USB1: variants seen among roughly 807,000 people sequenced by gnomAD.
USB1 encodes the protein U6 snRNA biogenesis phosphodiesterase 1, also known as U6 snRNA phosphodiesterase 1.
A neutral mutation model predicts 29.9 loss-of-function variants in USB1; 21 were observed. The observed-to-expected ratio is 0.70, with a 90% CI of 0.50 to 1.01. The LOEUF is 1.01. USB1 is among the 50% of genes least tolerant of loss of function. The probability of loss-of-function intolerance (pLI) is 0.00; values close to 1 mark genes in which losing one functional copy is unlikely to be tolerated. For missense variants in USB1, 330 were observed against 347.1 expected (o/e 0.95, Z 0.39); for synonymous variants, 143 against 134.9 (o/e 1.06, Z -0.42).
chr16:58,012,528 C>G, intron 3 of USB1: 1 of 1,300,184 alleles, frequency 7.7e-7, no homozygotes, highest in Non-Finnish European at 1.0e-6. Context: ...GTCACAATGA[C>G]GAAGCCACCG....
chr16:58,005,231 C>T (rs538715215), intron 2 of USB1, among the ~76,000 whole-genome samples: 9 of 152,250 alleles, frequency 5.9e-5, no homozygotes, highest in South Asian at 2.1e-4. Flanking sequence ...CAGATAACTG[C>T]GGGCGGGCCT....
At chr16:58,018,937 C>T in intron 5 of USB1, 35 bp from the exon 6 acceptor site, 1 of 1,610,174 alleles carries the variant, frequency 6.2e-7, no homozygotes, top group Non-Finnish European at 8.5e-7. Context: ...GCCAAGGCGT[C>T]CGGGTGACTG....
At chr16:58,002,767 A>T in intron 2 of USB1, 122 bp downstream of exon 2, 1 of 1,372,064 alleles carries the variant, frequency 7.3e-7, no homozygotes, top group Non-Finnish European at 1.0e-6. Flanking sequence ...GTGGTGGGAA[A>T]GTCATTGACT....
chr16:58,017,243 C>T, intron 4 of USB1, 91 bp from the exon 5 acceptor site: 1 of 1,193,714 alleles, frequency 8.4e-7, no homozygotes, highest in Non-Finnish European at 1.3e-6. Context: ...GCCCAGGCCT[C>T]TTGGCCTTCT....
chr16:58,007,075 G>T (rs1161937448), intron 2 of USB1, among the ~76,000 whole-genome samples: 2 of 152,184 alleles, frequency 1.3e-5, no homozygotes, highest in African/African-American at 2.4e-5. Context: ...CCATTTAGTT[G>T]TGGAGCATTA....
At chr16:58,010,256 T>G in intron 3 of USB1, 144 bp downstream of exon 3, 2 of 975,460 alleles carry the variant, frequency 2.1e-6, no homozygotes, top group Non-Finnish European at 3.1e-6. Context: ...CTGCTCTACT[T>G]CTCATCCTCC....
chr16:58,012,247 C>G, intron 3 of USB1: 1 of 1,532,942 alleles, frequency 6.5e-7, no homozygotes, highest in Non-Finnish European at 8.7e-7. Context: ...TCAACCTAGT[C>G]CAGCCCTCCC....
Position 58,013,030 on chromosome 16 carries a change from G to A in USB1, c.450-1243G>A. 5.1e-6 allele frequency: 5 copies of A among 985,658 alleles called. No homozygotes were observed. Among genetic ancestry groups the A allele is most frequent in the Non-Finnish European group, 6.0e-6 (5 of 830,094 alleles). 61.1% of individuals were successfully genotyped at this position (985,658 alleles called of 1,614,324 possible). ...CCTCTGAGGAAAGGATCTGTGTCAT[G>A]AGTGAAGCCCGGGCAGGTGTGGTCT... On this transcript the variant is annotated intron_variant, in intron 3 of 6. Coordinates refer to ENST00000219281, the MANE Select transcript of USB1 (RefSeq NM_024598.4). The surrounding 1 kb of genome is among the most constrained non-coding windows in gnomAD (Gnocchi z 4.3).
intron 3 of USB1, 197 bp from the exon 4 acceptor site, chr16:58,014,076 A>G: frequency 1.7e-6 from 1 of 585,908 alleles, no homozygotes; most frequent in African/African-American, 1.9e-5. Flanking sequence ...GTTGTGTGTT[A>G]CTCGGGCTGG....
chr16:58,014,715 C>G (rs191135215), intron 4 of USB1, among the ~76,000 whole-genome samples: 2 of 151,926 alleles, frequency 1.3e-5, no homozygotes, highest in Non-Finnish European at 2.9e-5. Flanking sequence ...CCCTGGAGGT[C>G]GAGGCTGCAG....
chr16:58,013,904 A>T lies in USB1; in HGVS notation c.450-369A>T. ...AGATGAAATCGGAGTCATCTATTTT[A>T]AAAAACTGCAAGAAATGAATCAGCT... On this transcript the variant is annotated intron_variant, in intron 3 of 6. Transcript: ENST00000219281. The surrounding 1 kb of genome is among the most constrained non-coding windows in gnomAD (Gnocchi z 4.3). 3 of 245,308 alleles carry T rather than the reference A, an allele frequency of 1.2e-5. No homozygotes were observed. Among genetic ancestry groups the T allele is most frequent in the South Asian group, 1.1e-4 (2 of 18,766 alleles). The allele number at this position is 245,308 out of a possible 1,614,324, so 15.2% of individuals were successfully genotyped here. A position where few individuals can be genotyped will look rare whatever the true frequency, so the allele number is the denominator to read the frequency against.
intron 3 of USB1, chr16:58,010,799 T>C (rs1254151066): frequency 1.4e-5 from 8 of 569,940 alleles, no homozygotes; most frequent in South Asian, 2.1e-5. Context: ...TCTGACCCTG[T>C]GGAGTTGGGA....
At chr16:58,004,256 G>A (rs1963301676) in intron 2 of USB1, among the ~76,000 whole-genome samples, 1 of 152,114 alleles carries the variant, frequency 6.6e-6, no homozygotes, top group African/African-American at 2.4e-5. Context: ...TCGGTTGACT[G>A]TATTGATGTG....
Position 58,020,172 on chromosome 16 carries a change from T to C in USB1, c.725T>C (p.Val242Ala), listed in dbSNP as rs766841291. The change falls in exon 7 of 7, where the codon GTG becomes GCG. Residue 242 changes from valine to alanine, a missense_variant. Transcript: ENST00000219281. ...GTGGATGGGTTTGAAGATGCTGAGG[T>C]GCTGCTGCGCGTGCACACTGAGCAA... ...AIVDGFEDAE[V>A]LLRVHTEQVR... The C allele has an allele frequency of 6.2e-6, 10 of 1,614,014 alleles. No homozygotes were observed. In the South Asian group the frequency reaches 8.8e-5, roughly 14 times the overall value.
In USB1 at chr16:58,006,017, G is replaced by A. The variant is rs541933474; in HGVS notation, c.265+3372G>A. On this transcript the variant is annotated intron_variant, in intron 2 of 6. Coordinates refer to ENST00000219281, the MANE Select transcript of USB1 (RefSeq NM_024598.4). ...TATTACTTCCAGGAAATTTTTTTTG[G>A]TAGTTCTTTTGGATTTTCTCCGTAG... is the stretch of plus-strand genomic sequence containing the variant. 9.2e-5 allele frequency among the ~76,000 whole-genome samples: 14 copies of A among 151,970 alleles called. No individual in the cohort carries two copies. In the South Asian group the frequency reaches 2.7e-3, roughly 29 times the overall value.
intron 3 of USB1, chr16:58,012,908 A>G (rs990391233): frequency 1.0e-6 from 1 of 986,776 alleles, no homozygotes; most frequent in African/African-American, 1.7e-5. Flanking sequence ...CCTAAAGTCC[A>G]TTGCAAGAAA....
chr16:58,002,986 A>C (rs1287198360), intron 2 of USB1, among the ~76,000 whole-genome samples: 2 of 152,176 alleles, frequency 1.3e-5, no homozygotes, highest in Non-Finnish European at 2.9e-5. Flanking sequence ...TGCAAGGTTC[A>C]AATCCCACCC....
intron 2 of USB1, among the ~76,000 whole-genome samples, chr16:58,005,947 A>C (rs932169031): frequency 6.6e-6 from 1 of 152,226 alleles, no homozygotes; most frequent in Admixed American, 6.5e-5. Context: ...ACAGAAGTTG[A>C]CTTTTGTATG....
chr16:58,020,147 G>C lies in USB1; in HGVS notation c.700G>C (p.Val234Leu). ...GQCLQELQAIVDGFEDAEVLL... is the reference protein window; with the variant it reads ...GQCLQELQAILDGFEDAEVLL... ...CCCTGGCTGCTGTTTTAAGGCAATC[G>C]TGGATGGGTTTGAAGATGCTGAGGT... is the stretch of plus-strand genomic sequence containing the variant. The change falls in exon 7 of 7, where the codon GTG becomes CTG. Residue 234 changes from valine to leucine, a missense_variant. Physicochemically the swap from Val to Leu is conservative, Grantham distance 32 (BLOSUM62 1). Coordinates refer to ENST00000219281, the MANE Select transcript of USB1 (RefSeq NM_024598.4). 6.2e-7 allele frequency: 1 copy of C among 1,614,134 alleles called. No homozygotes were observed. The highest frequency in any genetic ancestry group is 8.5e-7 in the Non-Finnish European group (1 of 1,180,014).
Sources: allele counts gnomAD v4.1 joint callset (sites outside exome capture counted in the v4.1 genomes callset), GRCh38; gene constraint gnomAD v4.1.1; non-coding constraint Gnocchi (gnomAD v3.1); transcripts MANE v1.5; gene names NCBI Gene and HGNC (gene_info 2026-07-23, HGNC 2026-07-21).